BICD1: variants seen among roughly 807,000 people sequenced by gnomAD.
BICD1 encodes the protein protein bicaudal D homolog 1.
Under a neutral mutation model 92.5 loss-of-function variants are expected in BICD1, and 35 were observed. The ratio of observed to expected loss-of-function variants is 0.38; its 90% confidence interval spans 0.29 to 0.50. The LOEUF is 0.50. BICD1 is among the 20% of genes least tolerant of loss of function. The pLI is 0.93. For missense variants in BICD1, 950 were observed against 1,189.8 expected, an observed-to-expected ratio of 0.80 and a Z score of 2.97; for synonymous variants, 429 against 465.1, an observed-to-expected ratio of 0.92 and a Z score of 1.00.
At chr12:32,314,145 G>T (rs774698444) in intron 4 of BICD1, among the ~76,000 whole-genome samples, 15 of 152,160 alleles carry the variant, frequency 9.9e-5, no homozygotes, top group Non-Finnish European at 2.2e-4. Flanking sequence ...ATGGTATGCA[G>T]ATACCACATT....
chr12:32,362,136 G>C (rs1260239145), intron 8 of BICD1, among the ~76,000 whole-genome samples: 1 of 152,224 alleles, frequency 6.6e-6, no homozygotes, highest in Non-Finnish European at 1.5e-5. Context: ...GAGGCAGGCA[G>C]ATCACCTGAG....
intron 1 of BICD1, among the ~76,000 whole-genome samples, chr12:32,145,388 C>T (rs1230529891): frequency 1.3e-5 from 2 of 152,126 alleles, no homozygotes; most frequent in East Asian, 1.9e-4. Context: ...TTTGTGTTCC[C>T]AAATCCTATT....
intron 8 of BICD1, among the ~76,000 whole-genome samples, chr12:32,350,460 G>A (rs958141208): frequency 6.6e-6 from 1 of 152,154 alleles, no homozygotes; most frequent in African/African-American, 2.4e-5. Context: ...CTGGGTGACA[G>A]TGCCTACATA....
At chr12:32,331,849 T>C (rs1296009205) in intron 5 of BICD1, among the ~76,000 whole-genome samples, 1 of 152,240 alleles carries the variant, frequency 6.6e-6, no homozygotes, top group Non-Finnish European at 1.5e-5. Context: ...GTCTGCACGT[T>C]CATGATGTTG....
At chr12:32,345,714 A>G (rs922919383) in intron 8 of BICD1, among the ~76,000 whole-genome samples, 3 of 152,228 alleles carry the variant, frequency 2.0e-5, no homozygotes, top group Non-Finnish European at 4.4e-5. Context: ...GAATGTTTCT[A>G]TGTGTGCAAT....
intron 1 of BICD1, among the ~76,000 whole-genome samples, chr12:32,181,699 C>G (rs1457290622): frequency 6.6e-6 from 1 of 151,918 alleles, no homozygotes; most frequent in East Asian, 1.9e-4. Flanking sequence ...ATTTTTCACT[C>G]ACTGGCTTTT....
At chr12:32,370,191 A>AC (rs988111376) in intron 9 of BICD1, among the ~76,000 whole-genome samples, 3 of 152,000 alleles carry the variant, frequency 2.0e-5, no homozygotes, top group Non-Finnish European at 4.4e-5. Flanking sequence ...ACATGGTGAA[A>AC]CCCCGTCTCT....
Position 32,377,754 on chromosome 12 carries a change from T to C in BICD1, c.*127T>C, listed in dbSNP as rs1165901597. The C allele has an allele frequency of 2.2e-5, 18 of 808,952 alleles. No homozygotes were observed. In the Admixed American group the frequency reaches 3.8e-4, roughly 17 times the overall value. 50.1% of individuals were successfully genotyped at this position (808,952 alleles called of 1,614,324 possible). On this transcript the variant is annotated 3_prime_UTR_variant, in exon 10 of 10. Transcript: ENST00000652176. ...TACAATTGGATTAATGTCCATCGTTTTGGAAGACGAGAGAAAGTTGAGAAG... is the reference window on the plus strand; with the variant it reads ...TACAATTGGATTAATGTCCATCGTTCTGGAAGACGAGAGAAAGTTGAGAAG...
chr12:32,329,282 A>G (rs1360126298), intron 5 of BICD1, among the ~76,000 whole-genome samples: 3 of 151,762 alleles, frequency 2.0e-5, no homozygotes, highest in Non-Finnish European at 4.4e-5. Context: ...CTTTTTGTGG[A>G]GACAGAATTT....
At chr12:32,192,453 A>AATAGATAG (rs66461342) in intron 1 of BICD1, among the ~76,000 whole-genome samples, 2,596 of 149,142 alleles carry the variant, frequency 0.017, 23 homozygotes, top group Middle Eastern at 0.062. Context: ...TAAATAAATA[A>AATAGATAG]ATAGATAGAT....
intron 3 of BICD1, 123 bp from the exon 4 acceptor site, chr12:32,305,574 T>A (rs1392207563): frequency 7.5e-6 from 6 of 804,144 alleles, no homozygotes; most frequent in Non-Finnish European, 1.1e-5. Context: ...GTGCTTTTTA[T>A]TATTTATTTT....
At chr12:32,132,233 T>C (rs1214016207) in intron 1 of BICD1, among the ~76,000 whole-genome samples, 3 of 151,990 alleles carry the variant, frequency 2.0e-5, no homozygotes, top group African/African-American at 4.8e-5. Flanking sequence ...TTGACCAATA[T>C]GGTGAAAACC....
At chr12:32,253,998 T>TAATTACTGCTGTATCCCACCTG (rs1946645488) in intron 2 of BICD1, among the ~76,000 whole-genome samples, 2 of 132,942 alleles carry the variant, frequency 1.5e-5, no homozygotes, top group Middle Eastern at 4.2e-3. Context: ...ACCTGCCACA[T>TAATTACTGCTGTATCCCACCTG]TCATTGCGGT....
intron 2 of BICD1, among the ~76,000 whole-genome samples, chr12:32,249,006 C>T (rs1946461724): frequency 6.6e-6 from 1 of 152,142 alleles, no homozygotes; most frequent in Non-Finnish European, 1.5e-5. Flanking sequence ...TTAGGCAAGC[C>T]CCCTGTGCAA....
intron 2 of BICD1, among the ~76,000 whole-genome samples, chr12:32,238,569 C>T (rs4001803): frequency 0.074 from 11,332 of 152,194 alleles, 671 homozygotes; most frequent in East Asian, 0.28. Context: ...GAGTAAAATG[C>T]GATCAAACAG....
intron 2 of BICD1, among the ~76,000 whole-genome samples, chr12:32,225,621 G>GTTTTTGTTTTTT (rs1411722126): frequency 0.38 from 34,587 of 91,522 alleles, 7,741 homozygotes; most frequent in East Asian, 0.54. Context: ...CTTTTTTTCT[G>GTTTTTGTTTTTT]TTTTTTTTTT....
At chr12:32,196,690 G>C (rs1441324562) in intron 1 of BICD1, among the ~76,000 whole-genome samples, 1 of 152,208 alleles carries the variant, frequency 6.6e-6, no homozygotes, top group Non-Finnish European at 1.5e-5. Context: ...AATAAGTTCA[G>C]TGGATCTAAT....
intron 8 of BICD1, among the ~76,000 whole-genome samples, chr12:32,365,200 G>T (rs1484228331): frequency 1.3e-5 from 2 of 152,170 alleles, no homozygotes; most frequent in Non-Finnish European, 2.9e-5. Context: ...TTGTGCCATT[G>T]CACTCCAGCC....
chr12:32,135,584 A>G (rs1942708289), intron 1 of BICD1, among the ~76,000 whole-genome samples: 1 of 151,752 alleles, frequency 6.6e-6, no homozygotes, highest in Admixed American at 6.6e-5. Flanking sequence ...AATTTATTGT[A>G]GAGACAACAC....
Sources: gnomAD v4.1 joint callset for allele counts (sites outside exome capture counted in the v4.1 genomes callset) on GRCh38, gnomAD v4.1.1 for gene constraint, MANE v1.5 for transcripts, NCBI Gene and HGNC (gene_info 2026-07-23, HGNC 2026-07-21) for gene names.